Variants in GBE1 observed in about 807,000 individuals in gnomAD.
GBE1 encodes 1,4-alpha-glucan-branching enzyme.
GBE1 carries 70 observed loss-of-function variants against 88.8 expected under a neutral mutation model. The observed-to-expected ratio is 0.79, with a 90% confidence interval of 0.65 to 0.96. GBE1 has a LOEUF of 0.96. Among genes scored for constraint, GBE1 ranks in the 40% least tolerant of loss-of-function variants. The pLI is 0.00. For synonymous variants in GBE1, 284 were observed against 300.1 expected, an observed-to-expected ratio of 0.95 and a Z score of 0.56; for missense variants, 872 against 871.0, an observed-to-expected ratio of 1.00 and a Z score of -0.01.
intron 3 of GBE1, among the ~76,000 whole-genome samples, chr3:81,656,230 A>G (rs1430333833): frequency 6.6e-6 from 1 of 152,182 alleles, no homozygotes; most frequent in African/African-American, 2.4e-5. Context: ...TAAAGTACAA[A>G]TCTGGAAATG....
intron 12 of GBE1, among the ~76,000 whole-genome samples, chr3:81,552,379 G>A (rs549225151): frequency 2.2e-4 from 34 of 152,030 alleles, no homozygotes; most frequent in African/African-American, 6.7e-4. Context: ...TTAGCTGAGC[G>A]CGTGGCAGGC....
intron 3 of GBE1, among the ~76,000 whole-genome samples, chr3:81,659,011 T>C (rs978123919): frequency 6.6e-6 from 1 of 152,126 alleles, no homozygotes; most frequent in Non-Finnish European, 1.5e-5. Context: ...GAAAGATCAA[T>C]ATCGTAATAA....
intron 15 of GBE1, 135 bp from the exon 16 acceptor site, chr3:81,490,598 T>C (rs1702423754): frequency 1.4e-6 from 1 of 735,942 alleles, no homozygotes; most frequent in East Asian, 2.7e-5. Flanking sequence ...TACAAGCTCT[T>C]AGAAGGCTCA....
chr3:81,490,413 C>T lies in GBE1; in HGVS notation c.2103G>A (p.Pro701=), dbSNP rs775617188. 15 of 1,612,630 alleles carry T rather than the reference C, an allele frequency of 9.3e-6. No individual in the cohort carries two copies. The highest frequency in any genetic ancestry group is 6.7e-5 in the Admixed American group (4 of 59,902). ...VALILQNVDL[P]N is the part of the protein sequence containing the mutation. ...GAGCTGAAATCAGGCCTCTTCAATT[C>T]GGCAGATCCACATTCTGAAGGATGA... is the stretch of plus-strand genomic sequence containing the variant. Residue 701 remains proline, a synonymous_variant, in exon 16 of 16, where the codon CCG becomes CCA. Transcript: ENST00000429644.
At chr3:81,678,987 T>A (rs926185864) in intron 2 of GBE1, among the ~76,000 whole-genome samples, 1 of 152,144 alleles carries the variant, frequency 6.6e-6, no homozygotes, top group Non-Finnish European at 1.5e-5. Context: ...ATGACGAAAT[T>A]GTACATTGCC....
chr3:81,707,777 A>G (rs1407482317), intron 1 of GBE1, among the ~76,000 whole-genome samples: 1 of 152,064 alleles, frequency 6.6e-6, no homozygotes, highest in Non-Finnish European at 1.5e-5. Context: ...ACGAATTCCA[A>G]TAATTTCTTC....
At chr3:81,737,952 T>G (rs1323442773) in intron 1 of GBE1, among the ~76,000 whole-genome samples, 2 of 151,996 alleles carry the variant, frequency 1.3e-5, no homozygotes, top group African/African-American at 4.8e-5. Flanking sequence ...CCCTCCTGTG[T>G]CCATGTGTTC....
Position 81,730,716 on chromosome 3 carries a change from C to G in GBE1, c.144-25103G>C, listed in dbSNP as rs905516665. Among the ~76,000 whole-genome samples the G allele has an allele frequency of 3.3e-5, 5 of 152,280 alleles. No homozygotes were observed. The South Asian group carries it at 8.3e-4, about 25-fold the overall frequency. On this transcript the variant is annotated intron_variant, in intron 1 of 15. Transcript: ENST00000429644. ...AAACTGCAGCAACCTAATAAAAACA[C>G]AGCCGAAGACTGAGATCCTGTAGGA... is the stretch of plus-strand genomic sequence containing the variant.
chr3:81,542,009 ATC>A (rs1310079437), intron 12 of GBE1, among the ~76,000 whole-genome samples: 3 of 152,106 alleles, frequency 2.0e-5, no homozygotes, highest in East Asian at 1.9e-4. Context: ...TTACAAAATA[ATC>A]TGTTTTTCTT....
intron 1 of GBE1, among the ~76,000 whole-genome samples, chr3:81,726,294 G>A (rs978467318): frequency 6.6e-6 from 1 of 152,028 alleles, no homozygotes; most frequent in African/African-American, 2.4e-5. Flanking sequence ...ATGAAGATGA[G>A]TACGTCATGC....
intron 1 of GBE1, among the ~76,000 whole-genome samples, chr3:81,748,932 G>A (rs1193421263): frequency 1.3e-5 from 2 of 151,004 alleles, no homozygotes; most frequent in African/African-American, 4.9e-5. Flanking sequence ...GCTTGAACCA[G>A]GGAGGCAGAG....
chr3:81,684,143 A>G (rs1231788247), intron 2 of GBE1, among the ~76,000 whole-genome samples: 3 of 152,152 alleles, frequency 2.0e-5, no homozygotes, highest in Non-Finnish European at 4.4e-5. Context: ...CAAGAGGGAG[A>G]GTAACAAAGA....
chr3:81,552,425 G>A (rs1317599478), intron 12 of GBE1, among the ~76,000 whole-genome samples: 3 of 150,718 alleles, frequency 2.0e-5, no homozygotes, highest in Non-Finnish European at 4.4e-5. Context: ...GCTGAGGCAG[G>A]AAAATTGCTT....
rs928154938 is a variant in GBE1 at position 81,560,436 on chromosome 3, T to C, written c.1618+17489A>G. On this transcript the variant is annotated intron_variant, in intron 12 of 15. Transcript: ENST00000429644. ...TGCTGGGAAGGAAAGACTATAAAAA[T>C]GACTCAGTATAACAATTTCAAAATA... Among the ~76,000 whole-genome samples the C allele has an allele frequency of 2.0e-5, 3 of 151,964 alleles. No homozygotes were observed. The East Asian group carries it at 5.8e-4, about 29-fold the overall frequency.
intron 14 of GBE1, among the ~76,000 whole-genome samples, chr3:81,533,469 T>A (rs1387101442): frequency 6.6e-6 from 1 of 152,058 alleles, no homozygotes; most frequent in Admixed American, 6.6e-5. Flanking sequence ...TGTGGAACAG[T>A]GATTGGCTGG....
At chr3:81,535,789 C>T (rs1302596702) in intron 13 of GBE1, among the ~76,000 whole-genome samples, 1 of 152,038 alleles carries the variant, frequency 6.6e-6, no homozygotes, top group Non-Finnish European at 1.5e-5. Flanking sequence ...AAACATTTTA[C>T]ATTTTTACCC....
At chr3:81,662,079 C>A (rs1705039851) in intron 3 of GBE1, among the ~76,000 whole-genome samples, 1 of 152,120 alleles carries the variant, frequency 6.6e-6, no homozygotes, top group Non-Finnish European at 1.5e-5. Context: ...GTTGCCCAGG[C>A]TGGAGTGCAA....
intron 2 of GBE1, among the ~76,000 whole-genome samples, chr3:81,700,843 T>C (rs540624145): frequency 6.6e-6 from 1 of 152,262 alleles, no homozygotes; most frequent in East Asian, 1.9e-4. Context: ...AGTCTATCAG[T>C]GATAGACATT....
At chr3:81,728,570 T>C (rs902687203) in intron 1 of GBE1, among the ~76,000 whole-genome samples, 2 of 152,120 alleles carry the variant, frequency 1.3e-5, no homozygotes, top group African/African-American at 4.8e-5. Context: ...AGCTGAGACC[T>C]TTAGTTTAGC....
Sources: gnomAD v4.1 joint callset for allele counts (sites outside exome capture counted in the v4.1 genomes callset) on GRCh38, gnomAD v4.1.1 for gene constraint, MANE v1.5 for transcripts, NCBI Gene and HGNC (gene_info 2026-07-23, HGNC 2026-07-21) for gene names.